The following ATP7B variants were observed in gnomAD, a reference collection of about 807,000 sequenced individuals.
ATP7B encodes the protein ATPase copper transporting beta.
ATP7B carries 113 observed loss-of-function variants against 118.9 expected under a neutral mutation model. That is an observed-to-expected ratio of 0.95 (90% CI 0.82 to 1.11). ATP7B has a LOEUF of 1.11. Ranked by LOEUF, ATP7B falls within the 50% of genes most tolerant of loss-of-function variation. The pLI is 0.00. For missense variants in ATP7B, 1,867 were observed against 1,871.4 expected (o/e 1.00, Z 0.04); for synonymous variants, 777 against 727.4 (o/e 1.07, Z -1.10).
chr13:52,006,926 GCT>G (rs974851776), intron 1 of ATP7B, among the ~76,000 whole-genome samples: 3 of 152,094 alleles, frequency 2.0e-5, no homozygotes, highest in African/African-American at 7.2e-5. Flanking sequence ...CATGTAGACA[GCT>G]CTGTCCCAGC....
chr13:52,006,166 G>A (rs1318308511), intron 1 of ATP7B, among the ~76,000 whole-genome samples: 1 of 152,174 alleles, frequency 6.6e-6, no homozygotes, highest in Non-Finnish European at 1.5e-5. Context: ...TGACTGGCTT[G>A]CTGTTAATAA....
intron 12 of ATP7B, among the ~76,000 whole-genome samples, chr13:51,947,556 T>C (rs1957743849): frequency 6.6e-6 from 1 of 152,218 alleles, no homozygotes; most frequent in Non-Finnish European, 1.5e-5. Flanking sequence ...ACAGCCTCTT[T>C]AGCTTCCATC....
In ATP7B at chr13:51,997,361, A is replaced by C. The variant is rs561701798; in HGVS notation, c.51+13926T>G. Among the ~76,000 whole-genome samples, 9 of 152,334 alleles carry C rather than the reference A, an allele frequency of 5.9e-5. No homozygotes were observed. In the South Asian group the frequency reaches 1.9e-3, roughly 32 times the overall value. On this transcript the variant is annotated intron_variant, in intron 1 of 20. Transcript: ENST00000242839. ...CATATTTTAACTTTTCCTTGGTGAC[A>C]TGAGATCATTATAAATATAAATGCT...
rs1425712013 is a variant in ATP7B at position 51,974,637 on chromosome 13, C to T, written c.583G>A (p.Glu195Lys). The T allele has an allele frequency of 1.6e-5, 25 of 1,612,202 alleles. 1 individual carries two copies. The highest frequency in any genetic ancestry group is 3.3e-4 in the Middle Eastern group (2 of 6,078). Residue 195 changes from glutamate (E) to lysine (K), a missense_variant, in exon 2 of 21, where the codon GAA becomes AAA. By Grantham distance (56) the Glu-to-Lys change is moderately conservative (BLOSUM62 1). Coordinates refer to ENST00000242839, the MANE Select transcript of ATP7B (RefSeq NM_000053.4). Reference sequence around the variant, plus strand: ...TCATTTACATGGTCCCTGAGGTCTTCGGGCTGAATGAGATAAGGCTGATAA... The same window carrying T: ...TCATTTACATGGTCCCTGAGGTCTTTGGGCTGAATGAGATAAGGCTGATAA... ...ITYQPYLIQP[E>K]DLRDHVNDMG...
rs1403434334 is a variant in ATP7B, at chr13:51,946,049, C to A, written c.3060+235G>T. 2.0e-5 allele frequency among the ~76,000 whole-genome samples: 3 copies of A among 152,314 alleles called. No homozygotes were observed. The East Asian group carries it at 5.8e-4, about 29-fold the overall frequency. On this transcript the variant is annotated intron_variant, in intron 13 of 20. Transcript: ENST00000242839. ...TCTGTAAAATGGGAATGATAAGCAC[C>A]TACCACACAGAGTTGTTAATGCAAT...
At chr13:51,992,798 G>A (rs1952979808) in intron 1 of ATP7B, among the ~76,000 whole-genome samples, 1 of 151,394 alleles carries the variant, frequency 6.6e-6, no homozygotes, top group South Asian at 2.1e-4. Context: ...GGCAACATGG[G>A]GAAACCTCAT....
chr13:51,959,783 C>A (rs1566539454), intron 7 of ATP7B: 5 of 325,446 alleles, frequency 1.5e-5, no homozygotes, highest in South Asian at 8.7e-5. Flanking sequence ...CAAGGGTGAT[C>A]CAGTTGTTGC....
At chr13:51,957,810 G>A (rs982222879) in intron 8 of ATP7B, 16 of 599,590 alleles carry the variant, frequency 2.7e-5, no homozygotes, top group Non-Finnish European at 3.6e-5. Context: ...CACAGTGCCT[G>A]TGCCACTAAA....
At chr13:51,952,192 G>A (rs1958050598) in intron 9 of ATP7B, among the ~76,000 whole-genome samples, 1 of 152,244 alleles carries the variant, frequency 6.6e-6, no homozygotes, top group Non-Finnish European at 1.5e-5. Flanking sequence ...GCTGCGGGGG[G>A]AGAGGAGAAG....
At position 51,949,672 on chromosome 13, in the gene ATP7B, C is replaced by T. The variant is rs732774; in HGVS notation, c.2855G>A (p.Arg952Lys). The change falls in exon 12 of 21, where the codon AGA (arginine) becomes AAA (lysine). Residue 952 changes from arginine to lysine, a missense_variant. Transcript: ENST00000242839. ...AGGCATTCAACTTACAGGAAAGTATCTCTGAACAACACCAAAATCGATAAA... is the reference window on the plus strand; with the variant it reads ...AGGCATTCAACTTACAGGAAAGTATTTCTGAACAACACCAAAATCGATAAA... ...IGFIDFGVVQRYFPNPNKHIS... is the reference protein window; with the variant it reads ...IGFIDFGVVQKYFPNPNKHIS... 930,537 of 1,613,064 alleles carry T rather than the reference C, an allele frequency of 0.58. 270,218 individuals carry two copies. Among genetic ancestry groups the T allele is most frequent in the Middle Eastern group, 0.63 (3,837 of 6,062 alleles).
At chr13:51,993,582 AAAAC>A (rs199931261) in intron 1 of ATP7B, among the ~76,000 whole-genome samples, 2,290 of 152,276 alleles carry the variant, frequency 0.015, 50 homozygotes, top group African/African-American at 0.052. Context: ...AACTTAGAAA[AAAAC>A]AAACAAAGGA....
In ATP7B at chr13:51,958,334, G is replaced by A. The variant is rs137853284; in HGVS notation, c.2332C>T (p.Arg778Trp). ...PMLFVFIALG[R>W]WLEHLAKSKT... ...ACCTTTGCCAAGTGTTCCAGCCACC[G>A]GCCCAGGGCAATGAACACAAAGAGC... Residue 778 changes from arginine to tryptophan, a missense_variant, in exon 8 of 21, where the codon CGG (arginine) becomes TGG (tryptophan). Arg to Trp is a moderately radical substitution (Grantham distance 101). Coordinates refer to ENST00000242839, the MANE Select transcript of ATP7B (RefSeq NM_000053.4). 115 of 1,614,062 alleles carry A rather than the reference G, an allele frequency of 7.1e-5. No homozygotes were observed. The highest frequency in any genetic ancestry group is 1.6e-4 in the Middle Eastern group (1 of 6,084).
At position 51,958,483 on chromosome 13, in the gene ATP7B, T is replaced by C. The variant is rs760713333; in HGVS notation, c.2183A>G (p.Asn728Ser). Residue 728 changes from asparagine (N) to serine (S), a missense_variant, in exon 8 of 21, where the codon AAC becomes AGC. By Grantham distance (46) the Asn-to-Ser change is conservative. Transcript: ENST00000242839. ...AYKSLRHRSA[N>S]MDVLIVLATS... The stretch of plus-strand genomic sequence containing the variant: ...GGCCAGGACGATGAGCACGTCCATG[T>C]TGGCTGACCTGTGTCTCAGAGATTT... 6.8e-6 allele frequency: 11 copies of C among 1,614,194 alleles called. No individual in the cohort carries two copies. In the East Asian group the frequency reaches 2.5e-4, roughly 36 times the overall value.
At chr13:51,945,550 T>C (rs941892438) in intron 13 of ATP7B, among the ~76,000 whole-genome samples, 3 of 152,188 alleles carry the variant, frequency 2.0e-5, no homozygotes, top group South Asian at 2.1e-4. Flanking sequence ...TGCAGCACCC[T>C]TGTCCCTGAG....
chr13:52,009,352 T>C (rs182052297), intron 1 of ATP7B, among the ~76,000 whole-genome samples: 1 of 152,172 alleles, frequency 6.6e-6, no homozygotes, highest in Non-Finnish European at 1.5e-5. Flanking sequence ...TTAGCTGAAT[T>C]TGGCACCTTC....
At chr13:51,964,828 C>T (rs1438659311) in intron 5 of ATP7B, 44 bp downstream of exon 5, 1 of 1,596,422 alleles carries the variant, frequency 6.3e-7, no homozygotes, top group East Asian at 2.2e-5. Flanking sequence ...TTATATATTA[C>T]TGTTTTTAAA....
intron 1 of ATP7B, among the ~76,000 whole-genome samples, chr13:51,985,201 C>T (rs1593825132): frequency 6.6e-6 from 1 of 152,094 alleles, no homozygotes. Context: ...CACATAGGCT[C>T]GAAATACAGG....
At chr13:52,012,083 G>A (rs1158455180), upstream of ATP7B, 4 of 503,920 alleles carry the variant, frequency 7.9e-6, no homozygotes, top group Admixed American at 3.3e-5. Context: ...GCGGGCTTTG[G>A]GCCGGGAACG....
In ATP7B at chr13:51,974,761, G is replaced by T. The variant is rs1009053966; in HGVS notation, c.459C>A (p.Thr153=). The change falls in exon 2 of 21, where the codon ACC becomes ACA. Residue 153 remains threonine, a synonymous_variant. Coordinates refer to ENST00000242839, the MANE Select transcript of ATP7B (RefSeq NM_000053.4). ...CAATGGAGCTGACACAGGACTGGCA[G>T]GTCATGCCCTCCACCCGGAGCTTGA... ...AVVKLRVEGM[T]CQSCVSSIEG... is the part of the protein sequence containing the mutation. 3.7e-6 allele frequency: 6 copies of T among 1,614,012 alleles called. No homozygotes were observed. The highest frequency in any genetic ancestry group is 3.4e-6 in the Non-Finnish European group (4 of 1,180,008).
Sources: allele counts gnomAD v4.1 joint callset (sites outside exome capture counted in the v4.1 genomes callset), GRCh38; gene constraint gnomAD v4.1.1; transcripts MANE v1.5; gene names NCBI Gene and HGNC (gene_info 2026-07-23, HGNC 2026-07-21).